NOVA2: variants seen among roughly 807,000 people sequenced by gnomAD.
NOVA2 encodes RNA-binding protein Nova-2.
A neutral mutation model predicts 22.5 loss-of-function variants in NOVA2; 9 were observed. The observed-to-expected ratio is 0.40, with a 90% CI of 0.24 to 0.70. The LOEUF is 0.70. NOVA2 is among the 30% of genes least tolerant of loss of function. The probability of loss-of-function intolerance (pLI) is 0.38; values close to 1 mark genes in which losing one functional copy is unlikely to be tolerated. For missense variants in NOVA2, 383 were observed against 682.8 expected (o/e 0.56, Z 4.89); for synonymous variants, 318 against 335.2 (o/e 0.95, Z 0.56).
intron 3 of NOVA2, among the ~76,000 whole-genome samples, chr19:45,947,031 G>GA (rs1021301344): frequency 1.5e-4 from 23 of 152,124 alleles, no homozygotes; most frequent in Non-Finnish European, 2.2e-4. Flanking sequence ...AAATAAAAAG[G>GA]AAAAAAATCT....
At chr19:45,952,935 C>G (rs540589565) in intron 3 of NOVA2, among the ~76,000 whole-genome samples, 1 of 152,378 alleles carries the variant, frequency 6.6e-6, no homozygotes, top group African/African-American at 2.4e-5. Context: ...TCTCTCCTGT[C>G]TTTGCCTCTA....
chr19:45,953,168 A>T (rs1451256621), intron 3 of NOVA2, among the ~76,000 whole-genome samples: 2 of 152,178 alleles, frequency 1.3e-5, no homozygotes, highest in Non-Finnish European at 2.9e-5. Context: ...GCAACCGGAC[A>T]GGCCCGGGAA....
Position 45,934,635 on chromosome 19 carries a change from C to T in NOVA2, c.*5228G>A, listed in dbSNP as rs1268190576. On this transcript the variant is annotated 3_prime_UTR_variant, in exon 4 of 4. Transcript: ENST00000263257. ...ACATAAAGAAAAGAAAAATGACTCC[C>T]CACGTCCCCTGGCTCAAACCCAGTA... is the stretch of plus-strand genomic sequence containing the variant. The T allele has an allele frequency of 6.6e-6, 1 of 152,078 alleles. No homozygotes were observed. The highest frequency in any genetic ancestry group is 2.1e-4 in the South Asian group (1 of 4,826). The allele number at this position is 152,078 out of a possible 1,614,324, so 9.4% of individuals were successfully genotyped here.
chr19:45,968,466 A>G (rs1968193896), intron 1 of NOVA2, among the ~76,000 whole-genome samples: 1 of 152,028 alleles, frequency 6.6e-6, no homozygotes, highest in Non-Finnish European at 1.5e-5. Context: ...GAAAGGTGTG[A>G]TGCTGCCTTG....
rs547093936 is a variant in NOVA2, at chr19:45,952,380, G to C, written c.396+1400C>G. On this transcript the variant is annotated intron_variant, in intron 3 of 3. Transcript: ENST00000263257. ...AGGACGTAAGTACTGTACGGAGAAG[G>C]ATTCAACTAAACAACAGAGCCCAGA... Among the ~76,000 whole-genome samples, 8 of 152,294 alleles carry C rather than the reference G, an allele frequency of 5.3e-5. 1 individual carries two copies. The highest frequency in any genetic ancestry group is 1.3e-4 in the Admixed American group (2 of 15,296).
At position 45,954,087 on chromosome 19, in the gene NOVA2, G is replaced by A. The variant is rs958590019; in HGVS notation, c.230-141C>T. The A allele has an allele frequency of 9.7e-5, 85 of 878,942 alleles. 1 individual carries two copies. In the South Asian group the frequency reaches 1.2e-3, roughly 12 times the overall value. The allele number at this position is 878,942 out of a possible 1,614,324, so 54.4% of individuals were successfully genotyped here. On this transcript the variant is annotated intron_variant, in intron 2 of 3. Transcript: ENST00000263257. ...GATCACACGGTGAGCCTGGGGGAGCGGGCATGGGCTGGCAGGCCATGATGG... is the reference window on the plus strand; with the variant it reads ...GATCACACGGTGAGCCTGGGGGAGCAGGCATGGGCTGGCAGGCCATGATGG...
intron 2 of NOVA2, among the ~76,000 whole-genome samples, chr19:45,959,431 G>A (rs1453846777): frequency 2.6e-5 from 4 of 152,180 alleles, no homozygotes; most frequent in African/African-American, 9.7e-5. Flanking sequence ...CCAGCTGCCT[G>A]GCCTGTGGGG....
intron 3 of NOVA2, among the ~76,000 whole-genome samples, chr19:45,952,762 G>A (rs966552021): frequency 2.0e-5 from 3 of 152,160 alleles, no homozygotes; most frequent in African/African-American, 7.2e-5. Context: ...CGCGCTACAC[G>A]CCCCAAGCCC....
intron 2 of NOVA2, among the ~76,000 whole-genome samples, chr19:45,958,462 G>C (rs942103327): frequency 6.6e-6 from 1 of 151,186 alleles, no homozygotes; most frequent in Admixed American, 6.6e-5. Flanking sequence ...GTGTGTGTAA[G>C]CGTGTGTGTG....
rs1479431014 is a variant in NOVA2, at chr19:45,940,079, G to A, written c.1263C>T (p.Ile421=). 6.2e-7 allele frequency: 1 copy of A among 1,613,862 alleles called. No homozygotes were observed. The highest frequency in any genetic ancestry group is 8.5e-7 in the Non-Finnish European group (1 of 1,179,936). ...CCAACGTCTTGCCCCCCTTCCCCAG[G>A]ATGGCTCCCACCAGGTTCTCAGGCA... ...IAVPENLVGA[I]LGKGGKTLVE... Residue 421 remains isoleucine (I), a synonymous_variant, in exon 4 of 4, where the codon ATC becomes ATT. Transcript: ENST00000263257.
chr19:45,971,550 C>T (rs1326219547), intron 1 of NOVA2, among the ~76,000 whole-genome samples: 1 of 152,074 alleles, frequency 6.6e-6, no homozygotes, highest in Non-Finnish European at 1.5e-5. Context: ...CCAGGGGGTC[C>T]CTGATTCCTG....
At chr19:45,949,736 G>GT (rs1243911135) in intron 3 of NOVA2, among the ~76,000 whole-genome samples, 1 of 129,640 alleles carries the variant, frequency 7.7e-6, no homozygotes, top group Non-Finnish European at 1.6e-5. Flanking sequence ...CAAATCGTAG[G>GT]TTGTTTTTTT....
chr19:45,940,554 G>GC lies in NOVA2; in HGVS notation c.787dup (p.Ala263GlyfsTer22). 1 of 1,470,932 alleles carries GC rather than the reference G, an allele frequency of 6.8e-7. No individual in the cohort carries two copies. The highest frequency in any genetic ancestry group is 9.0e-7 in the Non-Finnish European group (1 of 1,113,176). 91.1% of individuals were successfully genotyped at this position (1,470,932 alleles called of 1,614,324 possible). ...GAAGGCGGGCAGCGCGGCGGGAAAG[G>GC]CCCCCACGCCAGCCAGCCCGGCGGG... On this transcript the variant is annotated frameshift_variant, in exon 4 of 4. Coordinates refer to ENST00000263257, the MANE Select transcript of NOVA2 (RefSeq NM_002516.4). LOFTEE classifies it low-confidence loss of function (END_TRUNC).
intron 1 of NOVA2, among the ~76,000 whole-genome samples, chr19:45,964,533 A>G (rs1968143622): frequency 7.0e-6 from 1 of 143,786 alleles, no homozygotes; most frequent in Non-Finnish European, 1.5e-5. Context: ...CAGAACAGAT[A>G]AAAGAGAAAC....
intron 1 of NOVA2, chr19:45,967,916 C>T (rs1968187008): frequency 6.6e-6 from 1 of 151,518 alleles, no homozygotes; most frequent in Non-Finnish European, 1.5e-5. Flanking sequence ...GCACTCCAGC[C>T]GGGGTCACAC....
chr19:45,973,058 C>T (rs1377351168), intron 1 of NOVA2, among the ~76,000 whole-genome samples: 2 of 147,110 alleles, frequency 1.4e-5, no homozygotes, highest in African/African-American at 4.9e-5. Flanking sequence ...CACCCCTCTC[C>T]TCGCAGACAA....
chr19:45,972,814 C>A (rs984551150), intron 1 of NOVA2, among the ~76,000 whole-genome samples: 3 of 152,156 alleles, frequency 2.0e-5, no homozygotes, highest in Non-Finnish European at 2.9e-5. Flanking sequence ...ACACAAGCCT[C>A]CATCTGGGAC....
intron 1 of NOVA2, among the ~76,000 whole-genome samples, chr19:45,963,563 G>T (rs1322922153): frequency 6.8e-6 from 1 of 147,928 alleles, no homozygotes; most frequent in Admixed American, 6.7e-5. Flanking sequence ...ACAGAGTCTC[G>T]CTCTGTCGCC....
chr19:45,942,221 T>C (rs1396871395), intron 3 of NOVA2, among the ~76,000 whole-genome samples: 1 of 152,196 alleles, frequency 6.6e-6, no homozygotes, highest in African/African-American at 2.4e-5. Context: ...CTTTAGAATT[T>C]GACTATATTT....
Sources: allele counts gnomAD v4.1 joint callset (sites outside exome capture counted in the v4.1 genomes callset), GRCh38; gene constraint gnomAD v4.1.1; transcripts MANE v1.5; gene names NCBI Gene and HGNC (gene_info 2026-07-23, HGNC 2026-07-21).